OR51B5: variants seen among roughly 807,000 people sequenced by gnomAD.
OR51B5 encodes the protein olfactory receptor family 51 subfamily B member 5, also known as olfactory receptor 51B5.
For missense variants in OR51B5, 456 were observed against 374.6 expected (o/e 1.22, Z -1.79); for synonymous variants, 186 against 144.8 (o/e 1.28, Z -2.04).
chr11:5,467,339 C>T (rs1851152274), intron 1 of OR51B5, among the ~76,000 whole-genome samples: 1 of 152,152 alleles, frequency 6.6e-6, no homozygotes, highest in Non-Finnish European at 1.5e-5. Flanking sequence ...CAAGTCTATA[C>T]TGCAACTATG....
chr11:5,439,866 T>A (rs997598142), intron 1 of OR51B5, among the ~76,000 whole-genome samples: 1 of 152,120 alleles, frequency 6.6e-6, no homozygotes, highest in Admixed American at 6.5e-5. Flanking sequence ...CAGTAGGACT[T>A]ATGTGGGGCC....
intron 1 of OR51B5, chr11:5,354,861 G>C (rs1001077466): frequency 5.4e-6 from 1 of 186,738 alleles, no homozygotes; most frequent in Non-Finnish European, 1.1e-5. Flanking sequence ...CCAGACCTGA[G>C]AGAACTCTGA....
chr11:5,446,665 G>T (rs1358483916), intron 1 of OR51B5, among the ~76,000 whole-genome samples: 1 of 152,122 alleles, frequency 6.6e-6, no homozygotes, highest in African/African-American at 2.4e-5. Flanking sequence ...AAGCTATTTT[G>T]CCAAAGATTA....
At chr11:5,348,779 AACACCCTTACAGCACACCC>A (rs1849032335) in intron 1 of OR51B5, among the ~76,000 whole-genome samples, 1 of 152,128 alleles carries the variant, frequency 6.6e-6, no homozygotes, top group Non-Finnish European at 1.5e-5. Context: ...CTCCTTTGGC[AACACCCTTACAGCACACCC>A]AGGAACAATA....
chr11:5,461,261 G>C (rs1282831880), intron 1 of OR51B5, among the ~76,000 whole-genome samples: 1 of 152,192 alleles, frequency 6.6e-6, no homozygotes, highest in African/African-American at 2.4e-5. Context: ...CAGGCCAGGG[G>C]GTGGAGGCGA....
chr11:5,479,600 C>T (rs899792440), intron 1 of OR51B5, among the ~76,000 whole-genome samples: 4 of 152,004 alleles, frequency 2.6e-5, no homozygotes, highest in African/African-American at 9.7e-5. Context: ...CATCAGTGTG[C>T]TGTATTCAGG....
rs748579336 is a variant in OR51B5 at position 5,422,877 on chromosome 11, A to G, written n.85-75967T>C. 4.1e-5 allele frequency: 66 copies of G among 1,613,992 alleles called. No homozygotes were observed. In the Admixed American group the frequency reaches 9.3e-4, roughly 23 times the overall value. On this transcript the variant is annotated intron_variant and non_coding_transcript_variant, in intron 1 of 4. Coordinates refer to the OR51B5 transcript ENST00000415970. ...ATCTCCTATACACTTATTCTGAAAAATATCTTGGGCACAGCCACCTGGGCT... is the reference window on the plus strand; with the variant it reads ...ATCTCCTATACACTTATTCTGAAAAGTATCTTGGGCACAGCCACCTGGGCT...
intron 1 of OR51B5, among the ~76,000 whole-genome samples, chr11:5,377,428 C>G (rs1849544659): frequency 1.3e-5 from 2 of 152,116 alleles, no homozygotes; most frequent in African/African-American, 4.8e-5. Context: ...TCTCACTACT[C>G]CTATTCAACA....
chr11:5,504,271 T>C (rs1846341707), intron 1 of OR51B5, among the ~76,000 whole-genome samples: 1 of 152,216 alleles, frequency 6.6e-6, no homozygotes, highest in Admixed American at 6.5e-5. Context: ...TTAACTGCCG[T>C]CTACTTTCCT....
At chr11:5,341,549 G>A (rs1848893098), downstream of OR51B5, among the ~76,000 whole-genome samples, 1 of 152,006 alleles carries the variant, frequency 6.6e-6, no homozygotes, top group Admixed American at 6.6e-5. Flanking sequence ...CTCTTTTTAG[G>A]ATATTTTAAA....
intron 1 of OR51B5, among the ~76,000 whole-genome samples, chr11:5,374,973 A>C (rs1849501001): frequency 6.6e-6 from 1 of 151,696 alleles, no homozygotes; most frequent in Non-Finnish European, 1.5e-5. Flanking sequence ...GATTCAGGAA[A>C]TACAGAGAAC....
chr11:5,368,457 T>A (rs1564924147), intron 1 of OR51B5, among the ~76,000 whole-genome samples: 1 of 124,834 alleles, frequency 8.0e-6, no homozygotes, highest in East Asian at 2.0e-4. Context: ...ATTATAGAAA[T>A]CATTGCTATT....
intron 1 of OR51B5, chr11:5,441,514 T>C: frequency 1.2e-6 from 2 of 1,609,070 alleles, no homozygotes; most frequent in Non-Finnish European, 1.7e-6. Flanking sequence ...AGACCCAGCA[T>C]GGTGGGAGAA....
chr11:5,412,388 T>C (rs1850161590), intron 1 of OR51B5, among the ~76,000 whole-genome samples: 1 of 152,128 alleles, frequency 6.6e-6, no homozygotes. Flanking sequence ...ATTTCTGCAT[T>C]TCCATCTGAG....
intron 1 of OR51B5, chr11:5,488,592 A>C: frequency 3.5e-6 from 3 of 857,656 alleles, no homozygotes; most frequent in Non-Finnish European, 5.4e-6. Context: ...TTTTTAGTCT[A>C]AAAAAGATTA....
downstream of OR51B5, chr11:5,342,538 A>AATATTAG: frequency 6.6e-7 from 1 of 1,522,456 alleles, no homozygotes; most frequent in Non-Finnish European, 8.8e-7. Flanking sequence ...TCTCCTGCTA[A>AATATTAG]ATATTAGAGT....
intron 1 of OR51B5, among the ~76,000 whole-genome samples, chr11:5,426,611 A>G (rs1033705243): frequency 6.6e-6 from 1 of 152,078 alleles, no homozygotes; most frequent in Non-Finnish European, 1.5e-5. Flanking sequence ...GTGTGGATTA[A>G]CACCGCCCTA....
chr11:5,489,538 A>T (rs1436157699), intron 1 of OR51B5: 1 of 1,614,064 alleles, frequency 6.2e-7, no homozygotes, highest in Non-Finnish European at 8.5e-7. Flanking sequence ...GCATGTGCAC[A>T]TCTTTCTGGC....
At chr11:5,428,793 C>G (rs528201580) in intron 1 of OR51B5, among the ~76,000 whole-genome samples, 2 of 152,240 alleles carry the variant, frequency 1.3e-5, no homozygotes, top group South Asian at 4.2e-4. Flanking sequence ...CATCATAGTC[C>G]CTCCCCCAAA....
Sources: gnomAD v4.1 joint callset for allele counts (sites outside exome capture counted in the v4.1 genomes callset) on GRCh38, gnomAD v4.1.1 for gene constraint, MANE v1.5 for transcripts, NCBI Gene and HGNC (gene_info 2026-07-23, HGNC 2026-07-21) for gene names.